ZC3H12B: variants seen among roughly 807,000 people sequenced by gnomAD.
ZC3H12B encodes zinc finger CCCH-type containing 12B.
ZC3H12B carries 7 observed loss-of-function variants against 43.9 expected under a neutral mutation model. The ratio of observed to expected loss-of-function variants is 0.16; its 90% CI spans 0.09 to 0.30. ZC3H12B has a LOEUF of 0.30. ZC3H12B is among the 10% of genes least tolerant of loss of function. The pLI is 1.00. For missense variants in ZC3H12B, 475 were observed against 670.2 expected (o/e 0.71, Z 3.22); for synonymous variants, 222 against 241.7 (o/e 0.92, Z 0.76).
At chrX:65,473,755 G>A (rs952666281) in intron 3 of ZC3H12B, among the ~76,000 whole-genome samples, 1 of 111,437 alleles carries the variant, frequency 9.0e-6, no homozygotes, top group Non-Finnish European at 1.9e-5. Flanking sequence ...TCCTTTCCTT[G>A]TTATCCTTTT....
chrX:65,130,208 T>C, the ZC3H12B span, among the ~76,000 whole-genome samples: 29 of 111,144 alleles, frequency 2.6e-4, no homozygotes, highest in Middle Eastern at 4.2e-3. Context: ...TTCCTGAAGA[T>C]TGAAGACAGT....
intron 2 of ZC3H12B, among the ~76,000 whole-genome samples, chrX:65,373,971 G>GTTA (rs1556058083): frequency 9.7e-5 from 4 of 41,343 alleles, no homozygotes; most frequent in African/African-American, 9.6e-4. Flanking sequence ...TGTATATATA[G>GTTA]TATATATATA....
chrX:65,318,797 A>T, the ZC3H12B span, among the ~76,000 whole-genome samples: 14 of 110,080 alleles, frequency 1.3e-4, no homozygotes, highest in Non-Finnish European at 2.3e-4. Context: ...TTTTCTTGCT[A>T]ATTTAAATAA....
At chrX:65,163,025 A>T in the ZC3H12B span, among the ~76,000 whole-genome samples, 1 of 111,961 alleles carries the variant, frequency 8.9e-6, no homozygotes. Flanking sequence ...AGTTTGCTGG[A>T]GGTCCACTCC....
chrX:65,286,278 C>T, the ZC3H12B span, among the ~76,000 whole-genome samples: 1 of 111,854 alleles, frequency 8.9e-6, no homozygotes, highest in Admixed American at 9.5e-5. Flanking sequence ...ATGGATGCAG[C>T]TGGAAGCCAT....
the ZC3H12B span, among the ~76,000 whole-genome samples, chrX:65,210,010 A>G: frequency 1.5e-5 from 1 of 66,456 alleles, no homozygotes; most frequent in Non-Finnish European, 2.3e-5. Flanking sequence ...AGGCGTGGGC[A>G]AGGACTTCAT....
the ZC3H12B span, among the ~76,000 whole-genome samples, chrX:65,235,576 G>A: frequency 4.5e-5 from 5 of 111,045 alleles, no homozygotes; most frequent in Non-Finnish European, 9.4e-5. Context: ...AGTTCAGCTT[G>A]CATCCCAGCC....
intron 3 of ZC3H12B, among the ~76,000 whole-genome samples, chrX:65,448,328 C>T (rs753244580): frequency 8.9e-6 from 1 of 111,899 alleles, no homozygotes; most frequent in African/African-American, 3.2e-5. Flanking sequence ...ATGGAAAATG[C>T]TATGGAAATG....
chrX:65,456,248 A>G (rs1194369748), intron 3 of ZC3H12B, among the ~76,000 whole-genome samples: 1 of 111,643 alleles, frequency 9.0e-6, no homozygotes. Flanking sequence ...ACGTGCAGAG[A>G]CACACATAGG....
At chrX:65,042,329 A>G in the ZC3H12B span, among the ~76,000 whole-genome samples, 1 of 112,876 alleles carries the variant, frequency 8.9e-6, no homozygotes, top group East Asian at 2.8e-4. Context: ...CTGAGTATTC[A>G]TGTAACAGTT....
chrX:65,464,782 C>T (rs1316497759), intron 3 of ZC3H12B, among the ~76,000 whole-genome samples: 1 of 110,270 alleles, frequency 9.1e-6, no homozygotes, highest in Non-Finnish European at 1.9e-5. Context: ...CACTGTTTTG[C>T]TGCATTTCCT....
At chrX:65,360,973 T>C in the ZC3H12B span, among the ~76,000 whole-genome samples, 2 of 112,362 alleles carry the variant, frequency 1.8e-5, no homozygotes, top group Non-Finnish European at 3.8e-5. Context: ...AATATTTCCC[T>C]TTTTTATATG....
the ZC3H12B span, among the ~76,000 whole-genome samples, chrX:65,244,101 A>G: frequency 8.9e-6 from 1 of 111,781 alleles, no homozygotes; most frequent in African/African-American, 3.2e-5. Flanking sequence ...TACCTATTTC[A>G]AAATAACTGG....
At chrX:65,485,694 T>C (rs1450401388), upstream of ZC3H12B, among the ~76,000 whole-genome samples, 1 of 112,323 alleles carries the variant, frequency 8.9e-6, no homozygotes, top group Non-Finnish European at 1.9e-5. Context: ...TCCTTGCCAA[T>C]AATATTAGGC....
the ZC3H12B span, among the ~76,000 whole-genome samples, chrX:65,194,334 T>C: frequency 9.2e-6 from 1 of 108,799 alleles, no homozygotes; most frequent in Non-Finnish European, 1.9e-5. Flanking sequence ...GCATGGCACA[T>C]GTATACATAT....
At chrX:65,335,529 C>T in the ZC3H12B span, among the ~76,000 whole-genome samples, 2 of 111,386 alleles carry the variant, frequency 1.8e-5, no homozygotes, top group African/African-American at 6.5e-5. Context: ...ATCTAGACTC[C>T]TCAAAGGTAG....
intron 3 of ZC3H12B, among the ~76,000 whole-genome samples, chrX:65,475,479 A>C (rs1355797720): frequency 9.2e-6 from 1 of 108,800 alleles, no homozygotes; most frequent in African/African-American, 3.4e-5. Flanking sequence ...ATATGTTCCT[A>C]CTCTTTACTG....
the ZC3H12B span, among the ~76,000 whole-genome samples, chrX:65,158,812 A>T: frequency 4.5e-5 from 5 of 111,664 alleles, no homozygotes; most frequent in African/African-American, 1.6e-4. Context: ...TTTTGTTGCC[A>T]TTGCTTTTGG....
chrX:65,073,636 C>T, the ZC3H12B span, among the ~76,000 whole-genome samples: 24 of 112,212 alleles, frequency 2.1e-4, no homozygotes, highest in African/African-American at 7.8e-4. Flanking sequence ...CGCTATATTC[C>T]CACATCAAAC....
Sources: gnomAD v4.1 joint callset for allele counts (sites outside exome capture counted in the v4.1 genomes callset) on GRCh38, gnomAD v4.1.1 for gene constraint, MANE v1.5 for transcripts, NCBI Gene and HGNC (gene_info 2026-07-23, HGNC 2026-07-21) for gene names.